The following FRRS1 variants were observed in gnomAD, a reference collection of about 807,000 sequenced individuals.
FRRS1 encodes the protein ferric reductase 1.
In FRRS1, 51 loss-of-function variants were observed where a neutral mutation model predicts 70.7. The ratio of observed to expected loss-of-function variants is 0.72; its 90% CI spans 0.58 to 0.91. The LOEUF is 0.91. FRRS1 is among the 40% of genes least tolerant of loss of function. The probability of loss-of-function intolerance (pLI) is 0.00; values close to 1 mark genes in which losing one functional copy is unlikely to be tolerated. For synonymous variants in FRRS1, 225 were observed against 238.7 expected, an observed-to-expected ratio of 0.94 and a Z score of 0.53; for missense variants, 672 against 726.0, an observed-to-expected ratio of 0.93 and a Z score of 0.86.
At chr1:99,729,876 T>C in intron 7 of FRRS1, 128 bp from the exon 8 acceptor site, 1 of 629,058 alleles carries the variant, frequency 1.6e-6, no homozygotes, top group Non-Finnish European at 2.9e-6. Flanking sequence ...TACTGAATCA[T>C]GAATGATGCT....
chr1:99,717,921 C>A (rs945633880), intron 10 of FRRS1, among the ~76,000 whole-genome samples: 1 of 152,168 alleles, frequency 6.6e-6, no homozygotes, highest in African/African-American at 2.4e-5. Flanking sequence ...GTGCTCTTAA[C>A]CACTGTACTA....
intron 1 of FRRS1, among the ~76,000 whole-genome samples, chr1:99,759,628 A>T (rs75989088): frequency 2.6e-5 from 4 of 152,232 alleles, no homozygotes; most frequent in African/African-American, 7.2e-5. Context: ...AGTTAAGACT[A>T]AGCACAAGAT....
intron 9 of FRRS1, among the ~76,000 whole-genome samples, chr1:99,727,616 T>C (rs1655135420): frequency 6.6e-6 from 1 of 152,214 alleles, no homozygotes; most frequent in Admixed American, 6.5e-5. Context: ...TTTGCCTGTA[T>C]CACATTTCCT....
chr1:99,723,780 A>G (rs994521547), intron 9 of FRRS1, among the ~76,000 whole-genome samples: 2 of 152,226 alleles, frequency 1.3e-5, no homozygotes, highest in African/African-American at 4.8e-5. Flanking sequence ...CAGTGAGAAA[A>G]CATGGACTAT....
chr1:99,761,633 T>C (rs1054852544), intron 1 of FRRS1, among the ~76,000 whole-genome samples: 5 of 152,200 alleles, frequency 3.3e-5, no homozygotes, highest in African/African-American at 9.7e-5. Flanking sequence ...TATTAACCTA[T>C]AATTGAATAA....
chr1:99,711,020 G>T, intron 14 of FRRS1, 71 bp from the exon 15 acceptor site: 2 of 1,329,288 alleles, frequency 1.5e-6, no homozygotes, highest in Non-Finnish European at 2.1e-6. Context: ...GTTTGTGTAT[G>T]TGTATTATCA....
intron 9 of FRRS1, among the ~76,000 whole-genome samples, chr1:99,727,137 G>A (rs1655115572): frequency 6.6e-6 from 1 of 151,884 alleles, no homozygotes; most frequent in African/African-American, 2.4e-5. Flanking sequence ...TAGATAAAAG[G>A]GATAATAATA....
chr1:99,723,310 G>A (rs1390526698), intron 9 of FRRS1, among the ~76,000 whole-genome samples: 1 of 152,160 alleles, frequency 6.6e-6, no homozygotes, highest in Non-Finnish European at 1.5e-5. Context: ...GAGCCGGGGA[G>A]TTGGAGAACA....
At chr1:99,719,695 T>C in intron 9 of FRRS1, 48 bp from the exon 10 acceptor site, 2 of 1,035,018 alleles carry the variant, frequency 1.9e-6, no homozygotes, top group Non-Finnish European at 3.0e-6. Context: ...AATTACTTCC[T>C]CAAATAAAAA....
rs1196263823 is a variant in FRRS1, at chr1:99,748,635, G to A, written c.134C>T (p.Ser45Phe). The A allele has an allele frequency of 1.2e-6, 2 of 1,613,914 alleles. No homozygotes were observed. Among genetic ancestry groups the A allele is most frequent in the African/African-American group, 2.7e-5 (2 of 74,930 alleles). Residue 45 changes from serine to phenylalanine, a missense_variant, in exon 3 of 17, where the codon TCT becomes TTT. Physicochemically the swap from Ser to Phe is radical, Grantham distance 155. Coordinates refer to ENST00000646001, the MANE Select transcript of FRRS1 (RefSeq NM_001361041.2). ...CACGTAAATGTCATGAACAGGAACAGACTGTGGACTATGACCATGTTCAGG... is the reference window on the plus strand; with the variant it reads ...CACGTAAATGTCATGAACAGGAACAAACTGTGGACTATGACCATGTTCAGG... ...MIPEHGHSPQ[S>F]VPVHDIYVSQ...
At chr1:99,764,437 T>C (rs1401242735) in intron 1 of FRRS1, among the ~76,000 whole-genome samples, 1 of 152,254 alleles carries the variant, frequency 6.6e-6, no homozygotes, top group Non-Finnish European at 1.5e-5. Context: ...CTACAAAGTA[T>C]GTACATGTAA....
Position 99,729,732 on chromosome 1 carries a change from T to C in FRRS1, c.776A>G (p.Tyr259Cys), listed in dbSNP as rs781025224. The C allele has an allele frequency of 2.5e-6, 4 of 1,611,098 alleles. No homozygotes were observed. In the South Asian group the frequency reaches 3.3e-5, roughly 13 times the overall value. ...AGTCTGATCTTCATGAATACACAGATAAGCATCATCATCACCCTGAAAAAC... is the reference window on the plus strand; with the variant it reads ...AGTCTGATCTTCATGAATACACAGACAAGCATCATCATCACCCTGAAAAAC... ...HDQWMGDDDA[Y>C]LCIHEDQTVY... The change falls in exon 8 of 17, where the codon TAT becomes TGT. Residue 259 changes from tyrosine (Y) to cysteine (C), a missense_variant. By Grantham distance (194) the Tyr-to-Cys change is radical (BLOSUM62 -2). Coordinates refer to ENST00000646001, the MANE Select transcript of FRRS1 (RefSeq NM_001361041.2).
At chr1:99,732,286 A>G (rs1453803530) in intron 7 of FRRS1, among the ~76,000 whole-genome samples, 2 of 152,192 alleles carry the variant, frequency 1.3e-5, no homozygotes, top group East Asian at 3.9e-4. Flanking sequence ...ACTTCCACCA[A>G]ATCCCTGGGT....
intron 7 of FRRS1, among the ~76,000 whole-genome samples, chr1:99,733,413 T>C (rs1655493758): frequency 6.6e-6 from 1 of 152,228 alleles, no homozygotes; most frequent in African/African-American, 2.4e-5. Context: ...CTAGATCTAT[T>C]CCTACTAAAA....
Position 99,748,664 on chromosome 1 carries a change from C to T in FRRS1, c.105G>A (p.Met35Ile). The change falls in exon 3 of 17, where the codon ATG becomes ATA. Residue 35 changes from methionine (M) to isoleucine (I), a missense_variant. Coordinates refer to ENST00000646001, the MANE Select transcript of FRRS1 (RefSeq NM_001361041.2). ...NGKVTQSCHGMIPEHGHSPQS... is the reference protein window; with the variant it reads ...NGKVTQSCHGIIPEHGHSPQS... ...GTGGACTATGACCATGTTCAGGAAT[C>T]ATTCCATGGCATGACTGTGTTACTT... The T allele has an allele frequency of 6.2e-7, 1 of 1,613,966 alleles. No individual in the cohort carries two copies. Among genetic ancestry groups the T allele is most frequent in the Middle Eastern group, 1.7e-4 (1 of 6,060 alleles).
In FRRS1 at chr1:99,742,192, G is replaced by A. The variant is rs1655998907; in HGVS notation, c.415C>T (p.His139Tyr). 1.2e-6 allele frequency: 2 copies of A among 1,602,864 alleles called. No homozygotes were observed. The highest frequency in any genetic ancestry group is 1.7e-6 in the Non-Finnish European group (2 of 1,169,980). The stretch of plus-strand genomic sequence containing the variant: ...TCTTATACTCACAGAAACTGTGTGT[G>A]ATTTGGAGCACTGCTTGGAGCATTC... Reference protein sequence around the residue: ...YWNAPSSAPNHTQFLVTVVEK... With the variant: ...YWNAPSSAPNYTQFLVTVVEK... The change falls in exon 5 of 17, where the codon CAC becomes TAC. Residue 139 changes from histidine (H) to tyrosine (Y), a missense_variant. Transcript: ENST00000646001.
intron 7 of FRRS1, among the ~76,000 whole-genome samples, chr1:99,730,309 G>A (rs1448490484): frequency 6.6e-6 from 1 of 152,118 alleles, no homozygotes; most frequent in African/African-American, 2.4e-5. Flanking sequence ...TAGATTTAAT[G>A]TTATATAACT....
At chr1:99,742,409 G>A in intron 4 of FRRS1, 136 bp from the exon 5 acceptor site, 2 of 597,690 alleles carry the variant, frequency 3.3e-6, no homozygotes, top group Non-Finnish European at 6.0e-6. Context: ...TTAGAAGAAG[G>A]ACTCAGGCAC....
intron 9 of FRRS1, among the ~76,000 whole-genome samples, chr1:99,720,425 T>C (rs1331061663): frequency 6.6e-6 from 1 of 152,038 alleles, no homozygotes; most frequent in African/African-American, 2.4e-5. Flanking sequence ...AATGAGTAAA[T>C]AAATTCTGGA....
Sources: allele counts gnomAD v4.1 joint callset (sites outside exome capture counted in the v4.1 genomes callset), GRCh38; gene constraint gnomAD v4.1.1; transcripts MANE v1.5; gene names NCBI Gene and HGNC (gene_info 2026-07-23, HGNC 2026-07-21).